Variants in B9D1 observed in about 807,000 individuals in gnomAD.
The protein encoded by B9D1 is B9 domain-containing protein 1.
B9D1 carries 20 observed loss-of-function variants against 26.1 expected under a neutral mutation model. The ratio of observed to expected loss-of-function variants is 0.77; its 90% confidence interval spans 0.54 to 1.12. B9D1 has a LOEUF of 1.12. Among genes scored for constraint, B9D1 ranks in the 50% most tolerant of loss-of-function variants. The pLI, the probability that B9D1 is intolerant of heterozygous loss-of-function variation, is 0.00. For missense variants in B9D1, 260 were observed against 273.7 expected, an observed-to-expected ratio of 0.95 and a Z score of 0.35; for synonymous variants, 105 against 103.1, an observed-to-expected ratio of 1.02 and a Z score of -0.11.
intron 5 of B9D1, among the ~76,000 whole-genome samples, chr17:19,345,788 G>C (rs1454618446): frequency 6.6e-6 from 1 of 152,236 alleles, no homozygotes; most frequent in Non-Finnish European, 1.5e-5. Context: ...AAGAGTGTTT[G>C]GGGCAGGCCC....
chr17:19,361,766 C>T (rs900728491), intron 1 of B9D1, among the ~76,000 whole-genome samples: 5 of 152,314 alleles, frequency 3.3e-5, no homozygotes, highest in Admixed American at 2.6e-4. Context: ...TAAACACCAC[C>T]TCCAACAGCC....
intron 1 of B9D1, among the ~76,000 whole-genome samples, chr17:19,368,669 G>A (rs1366000267): frequency 6.6e-6 from 1 of 152,158 alleles, no homozygotes; most frequent in Non-Finnish European, 1.5e-5. Flanking sequence ...TGGGGGCGGG[G>A]CACAGTGACT....
chr17:19,360,532 G>A (rs1598088927), intron 1 of B9D1, 144 bp from the exon 2 acceptor site: 1 of 748,334 alleles, frequency 1.3e-6, no homozygotes, highest in South Asian at 1.4e-5. Context: ...GTTCAGAGGA[G>A]AGGCTGAGGA....
At chr17:19,339,600 A>G (rs1041822843), downstream of B9D1, among the ~76,000 whole-genome samples, 1 of 152,196 alleles carries the variant, frequency 6.6e-6, no homozygotes, top group Non-Finnish European at 1.5e-5. Context: ...AATAACCCCA[A>G]GCTCTCATTG....
At chr17:19,375,120 T>G (rs1201140712) in intron 1 of B9D1, among the ~76,000 whole-genome samples, 1 of 151,924 alleles carries the variant, frequency 6.6e-6, no homozygotes, top group African/African-American at 2.4e-5. Context: ...TGAGACCCTG[T>G]CTCTGCTAAA....
intron 1 of B9D1, among the ~76,000 whole-genome samples, chr17:19,376,523 A>C (rs536672293): frequency 6.7e-4 from 101 of 150,412 alleles, no homozygotes; most frequent in Admixed American, 1.4e-3. Flanking sequence ...CTGTAATCCC[A>C]GCACTTTGGG....
At chr17:19,363,347 G>A (rs910370793), upstream of B9D1, among the ~76,000 whole-genome samples, 10 of 152,268 alleles carry the variant, frequency 6.6e-5, no homozygotes, top group Non-Finnish European at 1.2e-4. Flanking sequence ...CCAGCGCTCA[G>A]GGGAGTTGCT....
chr17:19,348,302 G>A (rs1909133614), intron 3 of B9D1, among the ~76,000 whole-genome samples: 1 of 152,180 alleles, frequency 6.6e-6, no homozygotes, highest in South Asian at 2.1e-4. Flanking sequence ...TTTTGGGGGT[G>A]TCTAGAAGTC....
At position 19,343,708 on chromosome 17, in the gene B9D1, A is replaced by G. The variant is rs528087739; in HGVS notation, c.472+82T>C. ...CCTATGTGCCTGGCAGGTCCCCGGC[A>G]TTCACCCCAACCCTGGGCCCACCCA... On this transcript the variant is annotated intron_variant, in intron 6 of 6. Coordinates refer to ENST00000261499, the MANE Select transcript of B9D1 (RefSeq NM_015681.6). 331 of 1,613,266 alleles carry G rather than the reference A, an allele frequency of 2.1e-4. No individual in the cohort carries two copies. The highest frequency in any genetic ancestry group is 2.6e-4 in the Non-Finnish European group (309 of 1,179,850).
intron 1 of B9D1, among the ~76,000 whole-genome samples, chr17:19,377,549 C>T (rs2152287875): frequency 6.6e-6 from 1 of 152,326 alleles, no homozygotes; most frequent in Middle Eastern, 3.4e-3. Flanking sequence ...CAAAATTCTT[C>T]ACTTCTTTTC....
intron 5 of B9D1, chr17:19,346,810 T>C (rs1217929985): frequency 1.1e-6 from 1 of 920,624 alleles, no homozygotes; most frequent in Non-Finnish European, 1.5e-6. Context: ...GCAGGCACTG[T>C]TCCCTGTGCC....
rs1444379762 is a variant in B9D1, at chr17:19,370,764, C to A, written c.-298+7095G>T. Among the ~76,000 whole-genome samples, 1 of 152,256 alleles carries A rather than the reference C, an allele frequency of 6.6e-6. No homozygotes were observed. The highest frequency in any genetic ancestry group is 2.4e-5 in the African/African-American group (1 of 41,466). ...GGCCTCTGGAAGCCATGGGCAGCCA[C>A]TTCCCAGATGCGGCTTCCTGCCCTT... is the stretch of plus-strand genomic sequence containing the variant. On this transcript the variant is annotated intron_variant, in intron 1 of 5. Transcript: ENST00000477478. This position sits in a 1 kb window ranked among gnomAD's most constrained non-coding sequence, Gnocchi z 5.1.
At chr17:19,365,029 C>A (rs967656492), upstream of B9D1, among the ~76,000 whole-genome samples, 2 of 152,276 alleles carry the variant, frequency 1.3e-5, no homozygotes. This position sits in a 1 kb window ranked among gnomAD's most constrained non-coding sequence, Gnocchi z 5.0. Context: ...CTCAACCATC[C>A]CAGGCTTCTG....
rs147067441 is a variant in B9D1 at position 19,344,109 on chromosome 17, G to A, written c.405-252C>T. On this transcript the variant is annotated intron_variant, in intron 5 of 6. Coordinates refer to ENST00000261499, the MANE Select transcript of B9D1 (RefSeq NM_015681.6). The stretch of plus-strand genomic sequence containing the variant: ...TGCAGCCACGCTGCCTCCGCTGGCC[G>A]GTTAGGCTTTTCCATCTCTGGCTTC... Among the ~76,000 whole-genome samples, 284 of 152,356 alleles carry A rather than the reference G, an allele frequency of 1.9e-3. 1 individual carries two copies. Among genetic ancestry groups the A allele is most frequent in the African/African-American group, 6.3e-3 (260 of 41,568 alleles).
At chr17:19,367,380 C>T (rs1296323706), upstream of B9D1, among the ~76,000 whole-genome samples, 4 of 147,326 alleles carry the variant, frequency 2.7e-5, no homozygotes, top group South Asian at 2.1e-4. Context: ...GGCGCCATCT[C>T]GGCTCACTGC....
chr17:19,362,382 G>T, intron 1 of B9D1, 125 bp downstream of exon 1: 1 of 698,974 alleles, frequency 1.4e-6, no homozygotes, highest in Non-Finnish European at 2.3e-6. Flanking sequence ...CCCCTCCCCC[G>T]CCTAACCGAG....
downstream of B9D1, among the ~76,000 whole-genome samples, chr17:19,340,046 C>T (rs977480600): frequency 3.0e-5 from 3 of 100,294 alleles, no homozygotes; most frequent in Admixed American, 9.3e-5. Context: ...CCCCCCCCCC[C>T]CCGGCTTCCC....
chr17:19,356,833 T>C (rs1226605952), intron 3 of B9D1, among the ~76,000 whole-genome samples: 1 of 152,234 alleles, frequency 6.6e-6, no homozygotes, highest in Non-Finnish European at 1.5e-5. Context: ...CTTTTGTGTA[T>C]TACATTTACC....
chr17:19,342,630 G>A (rs1156652269), downstream of B9D1, among the ~76,000 whole-genome samples: 2 of 152,172 alleles, frequency 1.3e-5, no homozygotes, highest in Non-Finnish European at 2.9e-5. Flanking sequence ...AACCTCAGAG[G>A]TCAGGGTGTT....
Sources: allele counts gnomAD v4.1 joint callset (sites outside exome capture counted in the v4.1 genomes callset), GRCh38; gene constraint gnomAD v4.1.1; non-coding constraint Gnocchi (gnomAD v3.1); transcripts MANE v1.5; gene names NCBI Gene and HGNC (gene_info 2026-07-23, HGNC 2026-07-21).